Variants in ENOX1 observed in about 807,000 individuals in gnomAD.
The protein encoded by ENOX1 is ecto-NOX disulfide-thiol exchanger 1, also known as candidate growth-related and time keeping constitutive hydroquinone (NADH) oxidase.
In ENOX1, 42 loss-of-function variants were observed where a neutral mutation model predicts 82.5. The observed-to-expected ratio is 0.51, with a 90% CI of 0.40 to 0.66. The LOEUF (loss-of-function observed/expected upper bound fraction) is 0.66. ENOX1 is among the 30% of genes least tolerant of loss of function. The pLI is 0.00. For synonymous variants in ENOX1, 271 were observed against 282.2 expected (o/e 0.96, Z 0.40); for missense variants, 608 against 811.6 (o/e 0.75, Z 3.05).
At chr13:43,539,242 C>T (rs913344099) in intron 2 of ENOX1, among the ~76,000 whole-genome samples, 2 of 152,046 alleles carry the variant, frequency 1.3e-5, no homozygotes, top group African/African-American at 4.8e-5. Context: ...TTTATTTTCC[C>T]TTTTTCTAAG....
chr13:43,758,668 T>A (rs1950788535), intron 1 of ENOX1, among the ~76,000 whole-genome samples: 2 of 152,240 alleles, frequency 1.3e-5, no homozygotes, highest in Admixed American at 6.5e-5. Flanking sequence ...GGAATCTATA[T>A]CTCAAAATAA....
At chr13:43,489,308 C>T (rs185839286) in intron 2 of ENOX1, among the ~76,000 whole-genome samples, 12 of 152,262 alleles carry the variant, frequency 7.9e-5, no homozygotes, top group South Asian at 6.2e-4. Context: ...CATTCTGTTA[C>T]GGCATTCCTC....
At chr13:43,399,450 T>G (rs2053363999) in intron 5 of ENOX1, among the ~76,000 whole-genome samples, 2 of 152,212 alleles carry the variant, frequency 1.3e-5, no homozygotes, top group South Asian at 4.1e-4. Flanking sequence ...GGGATCATTT[T>G]CTACAGGGGC....
intron 9 of ENOX1, among the ~76,000 whole-genome samples, chr13:43,335,371 T>C (rs2048637955): frequency 2.0e-5 from 3 of 152,226 alleles, no homozygotes; most frequent in African/African-American, 7.2e-5. Context: ...TACTGACACC[T>C]TACTTTTCCT....
chr13:43,322,217 C>T (rs921969761), intron 11 of ENOX1, among the ~76,000 whole-genome samples, 167 bp downstream of exon 11: 7 of 152,114 alleles, frequency 4.6e-5, no homozygotes, highest in African/African-American at 1.7e-4. Flanking sequence ...CACTCTGTTC[C>T]CAAGAAGGAG....
intron 5 of ENOX1, among the ~76,000 whole-genome samples, chr13:43,372,415 A>G (rs28610129): frequency 6.6e-6 from 1 of 152,198 alleles, no homozygotes; most frequent in African/African-American, 2.4e-5. Flanking sequence ...TTCTAGCTAC[A>G]AGAAACCAGA....
chr13:43,711,019 C>A (rs861120), intron 1 of ENOX1, among the ~76,000 whole-genome samples: 1 of 151,436 alleles, frequency 6.6e-6, no homozygotes, highest in Non-Finnish European at 1.5e-5. Context: ...GCTGCACCCA[C>A]TAACTCATTA....
intron 2 of ENOX1, among the ~76,000 whole-genome samples, chr13:43,661,590 T>C (rs1044093599): frequency 3.9e-5 from 6 of 152,162 alleles, no homozygotes; most frequent in Admixed American, 3.3e-4. Context: ...GCAGGAAGTC[T>C]GGTCACAGAA....
At chr13:43,214,600 A>T (rs2153447394) in intron 16 of ENOX1, among the ~76,000 whole-genome samples, 1 of 152,336 alleles carries the variant, frequency 6.6e-6, no homozygotes, top group South Asian at 2.1e-4. Flanking sequence ...ATTTTCACAT[A>T]GACCAGAGAC....
Position 43,656,743 on chromosome 13 carries a change from G to A in ENOX1, c.-219+10736C>T, listed in dbSNP as rs78446183. The stretch of plus-strand genomic sequence containing the variant: ...ATCTGGAGGGCACCAAATAGACCAC[G>A]CTGTCAGTACCCTCTGTGAAAGAAG... On this transcript the variant is annotated intron_variant, in intron 2 of 16. Transcript: ENST00000690772. Among the ~76,000 whole-genome samples the A allele has an allele frequency of 1.9e-3, 289 of 152,224 alleles. 5 individuals carry two copies. The East Asian group carries it at 0.052, about 27-fold the overall frequency.
At chr13:43,530,226 C>G (rs1385364231) in intron 2 of ENOX1, among the ~76,000 whole-genome samples, 2 of 152,068 alleles carry the variant, frequency 1.3e-5, no homozygotes, top group Non-Finnish European at 2.9e-5. Flanking sequence ...TTGTTAAGAA[C>G]TAAAGTATAT....
intron 5 of ENOX1, among the ~76,000 whole-genome samples, chr13:43,404,172 C>T (rs9533476): frequency 0.22 from 33,362 of 152,034 alleles, 4,583 homozygotes; most frequent in East Asian, 0.52. Flanking sequence ...ACAAAACACA[C>T]GAGTCACAGG....
chr13:43,762,188 G>C (rs1027086232), intron 1 of ENOX1, among the ~76,000 whole-genome samples: 1 of 152,192 alleles, frequency 6.6e-6, no homozygotes, highest in African/African-American at 2.4e-5. Flanking sequence ...TCATTACCCA[G>C]GTCGGTCTGG....
At chr13:43,252,954 T>C (rs969136696) in intron 14 of ENOX1, among the ~76,000 whole-genome samples, 1 of 152,208 alleles carries the variant, frequency 6.6e-6, no homozygotes, top group Non-Finnish European at 1.5e-5. Flanking sequence ...CAGTTTGTTG[T>C]GGGAAATTTA....
intron 11 of ENOX1, among the ~76,000 whole-genome samples, chr13:43,301,957 G>A (rs2046601786): frequency 6.6e-6 from 1 of 151,984 alleles, no homozygotes; most frequent in Non-Finnish European, 1.5e-5. Flanking sequence ...AATTGGAAAG[G>A]GAAACTTTTT....
chr13:43,666,176 T>C (rs2084968044), intron 2 of ENOX1, among the ~76,000 whole-genome samples: 1 of 152,064 alleles, frequency 6.6e-6, no homozygotes, highest in African/African-American at 2.4e-5. Context: ...ATGATGCTGA[T>C]AGACTTGCTG....
chr13:43,502,115 A>C (rs2077002045), intron 2 of ENOX1, among the ~76,000 whole-genome samples: 2 of 151,660 alleles, frequency 1.3e-5, no homozygotes, highest in South Asian at 2.1e-4. Context: ...AACACATTGG[A>C]TAACCTAGGA....
chr13:43,378,229 G>A (rs2051779339), intron 5 of ENOX1, among the ~76,000 whole-genome samples: 1 of 152,218 alleles, frequency 6.6e-6, no homozygotes, highest in Non-Finnish European at 1.5e-5. Flanking sequence ...TGCCAGGAGA[G>A]TTTCCGGGCT....
intron 2 of ENOX1, among the ~76,000 whole-genome samples, chr13:43,664,465 C>T (rs1337914391): frequency 1.3e-5 from 2 of 152,194 alleles, no homozygotes; most frequent in Non-Finnish European, 2.9e-5. Context: ...TTGTAGCACA[C>T]ACTGTAGAGT....
Sources: allele counts gnomAD v4.1 joint callset (sites outside exome capture counted in the v4.1 genomes callset), GRCh38; gene constraint gnomAD v4.1.1; transcripts MANE v1.5; gene names NCBI Gene and HGNC (gene_info 2026-07-23, HGNC 2026-07-21).